Variants in IFT122 observed in about 807,000 individuals in gnomAD.
The protein encoded by IFT122 is intraflagellar transport protein 122 homolog.
Under a neutral mutation model 161.6 loss-of-function variants are expected in IFT122, and 118 were observed. The ratio of observed to expected loss-of-function variants is 0.73; its 90% CI spans 0.63 to 0.85. The LOEUF (loss-of-function observed/expected upper bound fraction) is 0.85, where lower values mean the gene tolerates loss of function less well. Ranked by LOEUF, IFT122 falls within the 40% of genes least tolerant of loss-of-function variation. The pLI is 0.00. For synonymous variants in IFT122, 550 were observed against 602.4 expected (o/e 0.91, Z 1.27); for missense variants, 1,381 against 1,579.6 (o/e 0.87, Z 2.13).
intron 2 of IFT122, among the ~76,000 whole-genome samples, chr3:129,451,291 A>G (rs142748345): frequency 1.6e-4 from 24 of 147,828 alleles, no homozygotes; most frequent in Non-Finnish European, 3.5e-4. Context: ...ATTTTTATTT[A>G]TTTTTATTTT....
Position 129,515,856 on chromosome 3 carries a change from G to A in IFT122, c.3265+257G>A, listed in dbSNP as rs909586212. Among the ~76,000 whole-genome samples the A allele has an allele frequency of 7.9e-5, 12 of 152,246 alleles. No individual in the cohort carries two copies. In the East Asian group the frequency reaches 2.3e-3, roughly 29 times the overall value. Reference sequence around the variant, plus strand: ...GGCGCAGGGCTTTACATAACCAAATGCCCCAGAAAGAGAGTCCGATGGCTT... The same window carrying A: ...GGCGCAGGGCTTTACATAACCAAATACCCCAGAAAGAGAGTCCGATGGCTT... On this transcript the variant is annotated intron_variant, in intron 26 of 29. Transcript: ENST00000348417.
chr3:129,460,032 G>A (rs2076058031), intron 4 of IFT122, among the ~76,000 whole-genome samples: 1 of 151,674 alleles, frequency 6.6e-6, no homozygotes, highest in Non-Finnish European at 1.5e-5. Context: ...TTACAGATAC[G>A]AGCCACTGCA....
At chr3:129,483,118 T>C (rs1194433263) in intron 14 of IFT122, among the ~76,000 whole-genome samples, 1 of 152,176 alleles carries the variant, frequency 6.6e-6, no homozygotes, top group Non-Finnish European at 1.5e-5. Flanking sequence ...CCTCTACACA[T>C]AAAACAGCTA....
At position 129,514,439 on chromosome 3, in the gene IFT122, G is replaced by T. The variant is rs1291907847; in HGVS notation, c.3038G>T (p.Arg1013Met). ...AKQSKALGAY[R>M]LARHAYDKLR... ...CAGAGCAAGGCCCTCGGTGCCTACAGGCTGGCCCGGCACGCCTATGACAAG... is the reference window on the plus strand; with the variant it reads ...CAGAGCAAGGCCCTCGGTGCCTACATGCTGGCCCGGCACGCCTATGACAAG... Residue 1013 changes from arginine to methionine, a missense_variant, in exon 25 of 30, where the codon AGG becomes ATG. Arg to Met is a moderately conservative substitution (Grantham distance 91). This residue lies in a region of IFT122 where 496 missense variants were observed against 502.5 expected (regional missense o/e 0.99). Coordinates refer to ENST00000348417, the MANE Select transcript of IFT122 (RefSeq NM_052989.3). The T allele has an allele frequency of 1.2e-6, 2 of 1,614,196 alleles. No individual in the cohort carries two copies. Among genetic ancestry groups the T allele is most frequent in the Non-Finnish European group, 8.5e-7 (1 of 1,180,026 alleles).
At chr3:129,450,011 CTTTT>C (rs79918649) in intron 2 of IFT122, 74 bp downstream of exon 2, 123 of 779,424 alleles carry the variant, frequency 1.6e-4, no homozygotes, top group South Asian at 1.6e-4. Context: ...AAATTTGACC[CTTTT>C]TTTTTTTTTT....
At chr3:129,490,185 A>G (rs2079891678) in intron 16 of IFT122, among the ~76,000 whole-genome samples, 1 of 152,156 alleles carries the variant, frequency 6.6e-6, no homozygotes, top group Non-Finnish European at 1.5e-5. Flanking sequence ...GTTGAAAAGT[A>G]AGTGTATGTG....
Position 129,478,014 on chromosome 3 carries a change from A to G in IFT122, c.1148-2A>G, listed in dbSNP as rs1370716680. 1.9e-6 allele frequency: 3 copies of G among 1,613,620 alleles called. No individual in the cohort carries two copies. Among genetic ancestry groups the G allele is most frequent in the Non-Finnish European group, 2.5e-6 (3 of 1,179,536 alleles). ...AGAACTAGATATTTTTTTCTTTGAC[A>G]GTTCGGATTAAATGCAAAGAGCTTG... On this transcript the variant is annotated splice_acceptor_variant, in intron 11 of 29. Coordinates refer to ENST00000348417, the MANE Select transcript of IFT122 (RefSeq NM_052989.3). LOFTEE classifies it high-confidence loss of function.
At chr3:129,492,108 C>T (rs773204392) in intron 16 of IFT122, 33 bp from the exon 17 acceptor site, 1 of 1,570,146 alleles carries the variant, frequency 6.4e-7, no homozygotes. Flanking sequence ...GCCAAGAAGA[C>T]AGCTTATTTT....
chr3:129,495,659 C>T, intron 18 of IFT122, 52 bp downstream of exon 18: 1 of 1,598,040 alleles, frequency 6.3e-7, no homozygotes, highest in Non-Finnish European at 8.6e-7. Flanking sequence ...CACTGGTATT[C>T]TCACGTGCGG....
At chr3:129,465,024 A>T (rs911385950) in intron 7 of IFT122, among the ~76,000 whole-genome samples, 1 of 151,998 alleles carries the variant, frequency 6.6e-6, no homozygotes, top group African/African-American at 2.4e-5. Flanking sequence ...AGCAAAGCAG[A>T]TGAGCTATTT....
At position 129,495,447 on chromosome 3, in the gene IFT122, A is replaced by G. The variant is rs1305518867; in HGVS notation, c.2048A>G (p.Glu683Gly). The G allele has an allele frequency of 6.2e-7, 1 of 1,614,106 alleles. No individual in the cohort carries two copies. Among genetic ancestry groups the G allele is most frequent in the East Asian group, 2.2e-5 (1 of 44,870 alleles). The change falls in exon 18 of 30, where the codon GAG (glutamate) becomes GGG (glycine). Residue 683 changes from glutamate to glycine, a missense_variant and splice_region_variant. Glu to Gly is a moderately conservative substitution (Grantham distance 98). Around this residue, in one of 7 missense-constraint regions of IFT122, gnomAD observed 496 missense variants for 502.5 expected, o/e 0.99. Transcript: ENST00000348417. The part of the protein sequence containing the change: ...RYLELISSIE[E>G]RKKRGETNND... Reference sequence around the variant, plus strand: ...TTCCTTTGCTTCTAATTTTTCCAGGAGAGGAAGAAGCGGGGAGAGACCAAC... The same window carrying G: ...TTCCTTTGCTTCTAATTTTTCCAGGGGAGGAAGAAGCGGGGAGAGACCAAC...
intron 4 of IFT122, 33 bp from the exon 5 acceptor site, chr3:129,461,195 C>T (rs773504820): frequency 2.6e-6 from 4 of 1,536,126 alleles, no homozygotes; most frequent in Non-Finnish European, 3.6e-6. Context: ...TTGTGGTTTG[C>T]TGCATAGTAA....
intron 1 of IFT122, among the ~76,000 whole-genome samples, chr3:129,445,862 A>C (rs945266619): frequency 4.6e-5 from 7 of 152,238 alleles, no homozygotes; most frequent in African/African-American, 1.7e-4. Flanking sequence ...AGTTCGAAGT[A>C]CTGTCATTGA....
intron 3 of IFT122, among the ~76,000 whole-genome samples, chr3:129,453,116 G>A (rs1255853022): frequency 6.6e-6 from 1 of 152,164 alleles, no homozygotes; most frequent in East Asian, 1.9e-4. Context: ...AGTTGATGAT[G>A]TCGGAGAGGG....
intron 16 of IFT122, 120 bp from the exon 17 acceptor site, chr3:129,492,021 C>T: frequency 2.5e-6 from 2 of 800,628 alleles, no homozygotes; most frequent in Non-Finnish European, 2.3e-6. Flanking sequence ...TCTGTGCTTG[C>T]TCCCTTCCTC....
intron 5 of IFT122, among the ~76,000 whole-genome samples, chr3:129,461,867 G>GGT (rs1238787481): frequency 6.6e-6 from 1 of 152,204 alleles, no homozygotes; most frequent in Non-Finnish European, 1.5e-5. Context: ...GCACAAAAGA[G>GGT]GTGTCAGTAA....
In IFT122 at chr3:129,481,618, G is replaced by A. The variant is rs754275024; in HGVS notation, c.1577G>A (p.Arg526His). The change falls in exon 14 of 30, where the codon CGT (arginine) becomes CAT (histidine). Residue 526 changes from arginine to histidine, a missense_variant. Physicochemically the swap from Arg to His is conservative, Grantham distance 29. Transcript: ENST00000348417. ...CGCTGCTTGGACATGAGTGCCTCCC[G>A]TAAGAAGCTGGCCGTGGTAGATGAA... is the stretch of plus-strand genomic sequence containing the variant. ...AVRCLDMSAS[R>H]KKLAVVDEND... is the part of the protein sequence containing the mutation. 57 of 1,606,724 alleles carry A rather than the reference G, an allele frequency of 3.5e-5. No individual in the cohort carries two copies. Among genetic ancestry groups the A allele is most frequent in the Non-Finnish European group, 4.7e-5 (55 of 1,173,406 alleles).
At chr3:129,501,291 T>C (rs186414701) in intron 19 of IFT122, among the ~76,000 whole-genome samples, 2 of 152,174 alleles carry the variant, frequency 1.3e-5, no homozygotes, top group East Asian at 3.9e-4. Context: ...CTAAAGGCTG[T>C]TGATTCTTCT....
chr3:129,450,713 GT>G (rs747032492), intron 2 of IFT122, among the ~76,000 whole-genome samples: 99 of 80,990 alleles, frequency 1.2e-3, no homozygotes, highest in East Asian at 8.1e-3. Context: ...GTGTGTGTGT[GT>G]TTTTTTTTTT....
Sources: gnomAD v4.1 joint callset for allele counts (sites outside exome capture counted in the v4.1 genomes callset) on GRCh38, gnomAD v4.1.1 for gene constraint, gnomAD v4.1.1 regional missense constraint, MANE v1.5 for transcripts, NCBI Gene and HGNC (gene_info 2026-07-23, HGNC 2026-07-21) for gene names.